The following PPP2R1A variants were observed in gnomAD, a reference collection of about 807,000 sequenced individuals.
PPP2R1A encodes the protein protein phosphatase 2 scaffold subunit Aalpha.
PPP2R1A carries 15 observed loss-of-function variants against 67.1 expected under a neutral mutation model. The ratio of observed to expected loss-of-function variants is 0.22; its 90% CI spans 0.15 to 0.34. PPP2R1A has a LOEUF of 0.34. Ranked by LOEUF, PPP2R1A falls within the 10% of genes least tolerant of loss-of-function variation. The pLI is 1.00. For missense variants in PPP2R1A, 369 were observed against 775.0 expected (o/e 0.48, Z 6.22); for synonymous variants, 337 against 325.0 (o/e 1.04, Z -0.40).
chr19:52,211,000 A>G (rs1363273806), intron 3 of PPP2R1A, among the ~76,000 whole-genome samples: 1 of 152,222 alleles, frequency 6.6e-6, no homozygotes, highest in Non-Finnish European at 1.5e-5. Flanking sequence ...GACCCCAGTG[A>G]AACTCCTTCA....
At chr19:52,205,891 C>A in intron 2 of PPP2R1A, 72 bp from the exon 3 acceptor site, 1 of 1,239,682 alleles carries the variant, frequency 8.1e-7, no homozygotes, top group Non-Finnish European at 1.2e-6. Context: ...AGAATGGAGT[C>A]CATGTGTTCT....
At chr19:52,222,513 T>C (rs1979000851) in intron 13 of PPP2R1A, 2 of 330,572 alleles carry the variant, frequency 6.1e-6, no homozygotes, top group East Asian at 5.5e-5. Context: ...TATATGTAAG[T>C]ATGTGTATAA....
rs1302585623 is a variant in PPP2R1A, at chr19:52,228,485, A to G, written c.*2504A>G. The G allele has an allele frequency of 2.0e-5, 3 of 152,214 alleles. No individual in the cohort carries two copies. Among genetic ancestry groups the G allele is most frequent in the South Asian group, 2.1e-4 (1 of 4,834 alleles). 9.4% of individuals were successfully genotyped at this position (152,214 alleles called of 1,614,324 possible). On this transcript the variant is annotated 3_prime_UTR_variant, in exon 15 of 15. Transcript: ENST00000322088. ...GTGAGCTTCATGTTGGAAGAATCCAATCAGGTGATGAATGTGATGTTATTA... is the reference window on the plus strand; with the variant it reads ...GTGAGCTTCATGTTGGAAGAATCCAGTCAGGTGATGAATGTGATGTTATTA...
chr19:52,212,784 T>C lies in PPP2R1A; in HGVS notation c.602T>C (p.Val201Ala), dbSNP rs2122335494. The C allele has an allele frequency of 1.2e-6, 2 of 1,613,268 alleles. No individual in the cohort carries two copies. The highest frequency in any genetic ancestry group is 1.7e-6 in the Non-Finnish European group (2 of 1,179,682). The part of the protein sequence containing the change: ...EFAKVLELDN[V>A]KSEIIPMFSN... Reference sequence around the variant, plus strand: ...GCCAAGGTGCTGGAGCTGGACAACGTCAAGAGTGAGATCATCCCCATGTTC... The same window carrying C: ...GCCAAGGTGCTGGAGCTGGACAACGCCAAGAGTGAGATCATCCCCATGTTC... Residue 201 changes from valine (V) to alanine (A), a missense_variant, in exon 5 of 15, where the codon GTC becomes GCC. Coordinates refer to ENST00000322088, the MANE Select transcript of PPP2R1A (RefSeq NM_014225.6). This position sits in a 1 kb window ranked among gnomAD's most constrained non-coding sequence, Gnocchi z 4.1.
In PPP2R1A at chr19:52,222,239, C is replaced by T. The variant is rs2122370119; in HGVS notation, c.1659C>T (p.Asn553=). 6.2e-7 allele frequency: 1 copy of T among 1,613,840 alleles called. No homozygotes were observed. Among genetic ancestry groups the T allele is most frequent in the Non-Finnish European group, 8.5e-7 (1 of 1,179,852 alleles). ...SLQKIGPILD[N]STLQSEVKPI... ...AGAAGATAGGGCCCATCCTGGACAA[C>T]AGGTGAGGTCTGGATACTCCCCCAC... Residue 553 remains asparagine, a splice_region_variant and synonymous_variant, in exon 13 of 15, where the codon AAC becomes AAT. Transcript: ENST00000322088.
In PPP2R1A at chr19:52,213,182, G is replaced by C. The variant is rs1049094569; in HGVS notation, c.807+72G>C. 3.4e-6 allele frequency: 5 copies of C among 1,470,798 alleles called. No individual in the cohort carries two copies. In the African/African-American group the frequency reaches 5.6e-5, roughly 17 times the overall value. The allele number at this position is 1,470,798 out of a possible 1,614,324, so 91.1% of individuals were successfully genotyped here. A position where few individuals can be genotyped will look rare whatever the true frequency, so the allele number is the denominator to read the frequency against. ...ACTCTCAGAAGGGAAGCATATAGGAGCTGAGGTTTCCATTAGGCCGATGGA... is the reference window on the plus strand; with the variant it reads ...ACTCTCAGAAGGGAAGCATATAGGACCTGAGGTTTCCATTAGGCCGATGGA... On this transcript the variant is annotated intron_variant, in intron 6 of 14. Coordinates refer to ENST00000322088, the MANE Select transcript of PPP2R1A (RefSeq NM_014225.6). The surrounding 1 kb of genome is among the most constrained non-coding windows in gnomAD (Gnocchi z 4.2).
At position 52,202,339 on chromosome 19, in the gene PPP2R1A, G is replaced by A. The variant is rs1402365952; in HGVS notation, c.169+305G>A. ...TACCTGTTTCTTATATTTTTCATCT[G>A]TAGATTGGGATAATCATCCATGTGC... On this transcript the variant is annotated intron_variant, in intron 2 of 14. Transcript: ENST00000322088. 3.9e-5 allele frequency among the ~76,000 whole-genome samples: 6 copies of A among 152,210 alleles called. No homozygotes were observed. The East Asian group carries it at 1.2e-3, about 29-fold the overall frequency.
Position 52,210,788 on chromosome 19 carries a change from G to A in PPP2R1A, c.271-472G>A, listed in dbSNP as rs1272719904. On this transcript the variant is annotated intron_variant, in intron 3 of 14. Coordinates refer to ENST00000322088, the MANE Select transcript of PPP2R1A (RefSeq NM_014225.6). ...ATTACAGGCGTGAGCCACTGCGCCC[G>A]GCCCGTTTTCTCTTCTTTAAAATCA... 6.6e-5 allele frequency among the ~76,000 whole-genome samples: 10 copies of A among 152,204 alleles called. No homozygotes were observed. In the East Asian group the frequency reaches 9.7e-4, roughly 15 times the overall value.
At position 52,212,439 on chromosome 19, in the gene PPP2R1A, C is replaced by A. The variant is rs573495306; in HGVS notation, c.504-247C>A. 312 of 532,820 alleles carry A rather than the reference C, an allele frequency of 5.9e-4. No homozygotes were observed. Among genetic ancestry groups the A allele is most frequent in the Non-Finnish European group, 9.2e-4 (277 of 301,208 alleles). 33.0% of individuals were successfully genotyped at this position (532,820 alleles called of 1,614,324 possible). A position where few individuals can be genotyped will look rare whatever the true frequency, so the allele number is the denominator to read the frequency against. The stretch of plus-strand genomic sequence containing the variant: ...TGTAATCGTCAGCACTTAGCATTGA[C>A]TAGATTTATTATGCGCAATCTGCGA... On this transcript the variant is annotated intron_variant, in intron 4 of 14. Coordinates refer to ENST00000322088, the MANE Select transcript of PPP2R1A (RefSeq NM_014225.6). The surrounding 1 kb of genome is among the most constrained non-coding windows in gnomAD (Gnocchi z 4.1).
At chr19:52,223,101 G>A (rs1979042569) in intron 13 of PPP2R1A, among the ~76,000 whole-genome samples, 1 of 152,104 alleles carries the variant, frequency 6.6e-6, no homozygotes. Context: ...CCAATAGAAT[G>A]GAATCAAGGG....
chr19:52,206,244 T>C (rs2089601153), intron 3 of PPP2R1A, among the ~76,000 whole-genome samples, 181 bp downstream of exon 3: 1 of 152,160 alleles, frequency 6.6e-6, no homozygotes, highest in Admixed American at 6.5e-5. Context: ...GAACTCAGGG[T>C]GCAGTTATCA....
intron 1 of PPP2R1A, among the ~76,000 whole-genome samples, chr19:52,196,308 A>G (rs2089496431): frequency 6.6e-6 from 1 of 152,238 alleles, no homozygotes; most frequent in Non-Finnish European, 1.5e-5. Flanking sequence ...TTAAACAAGT[A>G]AGAGTTCTCT....
chr19:52,206,794 G>A (rs913148662), intron 3 of PPP2R1A, among the ~76,000 whole-genome samples: 2 of 152,302 alleles, frequency 1.3e-5, no homozygotes, highest in South Asian at 2.1e-4. Flanking sequence ...AAGGCAGACC[G>A]TACAGGTTAC....
rs2089668262 is a variant in PPP2R1A at position 52,211,369 on chromosome 19, A to G, written c.380A>G (p.His127Arg). 1 of 1,614,152 alleles carries G rather than the reference A, an allele frequency of 6.2e-7. No individual in the cohort carries two copies. Among genetic ancestry groups the G allele is most frequent in the South Asian group, 1.1e-5 (1 of 91,090 alleles). The change falls in exon 4 of 15, where the codon CAC becomes CGC. Residue 127 changes from histidine to arginine, a missense_variant. His to Arg is a conservative substitution (Grantham distance 29). Transcript: ENST00000322088. This position sits in a 1 kb window ranked among gnomAD's most constrained non-coding sequence, Gnocchi z 5.3. ...CACTCGCCCTCTGACCTGGAGGCGC[A>G]CTTTGTGCCGCTAGTGAAGCGGCTG... ...HEHSPSDLEA[H>R]FVPLVKRLAG... is the part of the protein sequence containing the mutation.
Position 52,202,532 on chromosome 19 carries a change from C to T in PPP2R1A, c.169+498C>T, listed in dbSNP as rs180683991. On this transcript the variant is annotated intron_variant, in intron 2 of 14. Coordinates refer to ENST00000322088, the MANE Select transcript of PPP2R1A (RefSeq NM_014225.6). Reference sequence around the variant, plus strand: ...AAACATACATCACTATCATTTCACCCAGTTGATCTCACAGCAGTGCTTTAA... The same window carrying T: ...AAACATACATCACTATCATTTCACCTAGTTGATCTCACAGCAGTGCTTTAA... Among the ~76,000 whole-genome samples the T allele has an allele frequency of 3.9e-5, 6 of 152,346 alleles. No homozygotes were observed. In the East Asian group the frequency reaches 1.2e-3, roughly 29 times the overall value.
intron 1 of PPP2R1A, among the ~76,000 whole-genome samples, chr19:52,190,679 C>A (rs112213024): frequency 6.6e-6 from 1 of 152,152 alleles, no homozygotes; most frequent in African/African-American, 2.4e-5. Context: ...TCTTCCTCCG[C>A]CTCTCATTTT....
At chr19:52,222,039 A>G in intron 12 of PPP2R1A, 60 bp from the exon 13 acceptor site, 1 of 1,506,322 alleles carries the variant, frequency 6.6e-7, no homozygotes, top group Non-Finnish European at 9.0e-7. Flanking sequence ...CAGAGGCAGC[A>G]GGAAATGAGA....
intron 1 of PPP2R1A, 184 bp downstream of exon 1, chr19:52,190,358 C>T (rs2089441830): frequency 2.9e-6 from 2 of 693,006 alleles, no homozygotes; most frequent in South Asian, 1.9e-5. Context: ...TGGGTGTCGG[C>T]CCAGTGGAGG....
chr19:52,204,684 G>T (rs1023454431), intron 2 of PPP2R1A, among the ~76,000 whole-genome samples: 3 of 152,216 alleles, frequency 2.0e-5, no homozygotes, highest in African/African-American at 7.2e-5. Flanking sequence ...GGTTTTAACT[G>T]TGTGCAGAGG....
Sources: gnomAD v4.1 joint callset for allele counts (sites outside exome capture counted in the v4.1 genomes callset) on GRCh38, gnomAD v4.1.1 for gene constraint, Gnocchi (gnomAD v3.1) non-coding constraint, MANE v1.5 for transcripts, NCBI Gene and HGNC (gene_info 2026-07-23, HGNC 2026-07-21) for gene names.